The following CFAP70 variants were observed in gnomAD, a reference collection of about 807,000 sequenced individuals.
The protein encoded by CFAP70 is cilia and flagella associated protein 70.
CFAP70 carries 81 observed loss-of-function variants against 137.6 expected under a neutral mutation model. That is an observed-to-expected ratio of 0.59 (90% confidence interval 0.49 to 0.71). CFAP70 has a LOEUF of 0.71. Among genes scored for constraint, CFAP70 ranks in the 30% least tolerant of loss-of-function variants. The pLI, the probability that CFAP70 is intolerant of heterozygous loss-of-function variation, is 0.00. For missense variants in CFAP70, 976 were observed against 1,226.7 expected (o/e 0.80, Z 3.05); for synonymous variants, 382 against 423.6 (o/e 0.90, Z 1.20).
At chr10:73,301,806 C>T (rs1437653330) in intron 12 of CFAP70, among the ~76,000 whole-genome samples, 1 of 152,026 alleles carries the variant, frequency 6.6e-6, no homozygotes, top group East Asian at 1.9e-4. Context: ...ATGATGATGT[C>T]ACAACAAAGC....
chr10:73,354,878 C>G (rs2054546151), intron 1 of CFAP70, 43 bp from the exon 2 acceptor site: 1 of 1,151,102 alleles, frequency 8.7e-7, no homozygotes, highest in Admixed American at 1.8e-5. Context: ...TGTACCACAG[C>G]TGCACAAGTA....
chr10:73,351,106 T>C (rs1219874480), intron 3 of CFAP70, among the ~76,000 whole-genome samples: 1 of 133,050 alleles, frequency 7.5e-6, no homozygotes, highest in African/African-American at 2.8e-5. Context: ...TATATATATA[T>C]ATATATGTAT....
intron 12 of CFAP70, among the ~76,000 whole-genome samples, chr10:73,302,247 G>A (rs898242282): frequency 2.6e-5 from 4 of 152,156 alleles, no homozygotes; most frequent in African/African-American, 9.7e-5. Flanking sequence ...ACTGAGCTCT[G>A]GGGGACTCCA....
chr10:73,265,332 A>AAAAAGAAG (rs2045657167), intron 25 of CFAP70, among the ~76,000 whole-genome samples: 1 of 151,900 alleles, frequency 6.6e-6, no homozygotes, highest in Admixed American at 6.6e-5. Flanking sequence ...AAAAAAAAAA[A>AAAAAGAAG]AAAAGAAGAA....
At chr10:73,359,136 C>T (rs1410904497), upstream of CFAP70, among the ~76,000 whole-genome samples, 1 of 152,142 alleles carries the variant, frequency 6.6e-6, no homozygotes, top group Non-Finnish European at 1.5e-5. Context: ...GCCCGTCACG[C>T]CCTGTTGATG....
intron 8 of CFAP70, among the ~76,000 whole-genome samples, chr10:73,326,757 G>C (rs540988836): frequency 6.6e-6 from 1 of 151,888 alleles, no homozygotes; most frequent in Non-Finnish European, 1.5e-5. Context: ...TAAATTCCTC[G>C]ACACATACAC....
chr10:73,274,458 C>T (rs1175949413), exon 23 of CFAP70: 2 of 1,613,370 alleles, frequency 1.2e-6, no homozygotes, highest in Non-Finnish European at 1.7e-6. Flanking sequence ...ATAGATGAGC[C>T]CCAGTCTCAG....
At chr10:73,310,001 GGTAA>G in intron 12 of CFAP70, among the ~76,000 whole-genome samples, 153 bp downstream of exon 13, 1 of 151,970 alleles carries the variant, frequency 6.6e-6, no homozygotes, top group East Asian at 1.9e-4. Flanking sequence ...TTTGTGATAA[GGTAA>G]CAAAAATAAC....
chr10:73,354,813 A>G, exon 2 of CFAP70: 1 of 1,613,128 alleles, frequency 6.2e-7, no homozygotes, highest in Non-Finnish European at 8.5e-7. Flanking sequence ...AACTGGGAAA[A>G]GTCCCTCTGT....
chr10:73,325,188 T>A (rs1269245910), intron 8 of CFAP70, among the ~76,000 whole-genome samples: 1 of 152,142 alleles, frequency 6.6e-6, no homozygotes, highest in Admixed American at 6.5e-5. Context: ...TATTCAACAT[T>A]CTTAAAGAAA....
intron 9 of CFAP70, among the ~76,000 whole-genome samples, chr10:73,320,737 G>A (rs938326737): frequency 6.6e-6 from 1 of 150,932 alleles, no homozygotes; most frequent in East Asian, 2.0e-4. Context: ...GCACAATCTC[G>A]GCTCACTGAA....
At chr10:73,326,756 C>G (rs1372247934) in intron 8 of CFAP70, among the ~76,000 whole-genome samples, 1 of 151,966 alleles carries the variant, frequency 6.6e-6, no homozygotes, top group Non-Finnish European at 1.5e-5. Context: ...ATAAATTCCT[C>G]GACACATACA....
intron 5 of CFAP70, among the ~76,000 whole-genome samples, chr10:73,343,583 C>A (rs1328185694): frequency 2.6e-5 from 4 of 152,024 alleles, no homozygotes; most frequent in African/African-American, 7.2e-5. Flanking sequence ...GTAGTGGGCA[C>A]CTGTAGTTCC....
chr10:73,326,622 C>T (rs1452353459), intron 8 of CFAP70, among the ~76,000 whole-genome samples: 1 of 151,452 alleles, frequency 6.6e-6, no homozygotes, highest in Non-Finnish European at 1.5e-5. Context: ...AGAGAAGAAT[C>T]AAATAGATGC....
intron 3 of CFAP70, among the ~76,000 whole-genome samples, chr10:73,349,963 C>T (rs2054060575): frequency 6.6e-6 from 1 of 152,224 alleles, no homozygotes; most frequent in South Asian, 2.1e-4. Flanking sequence ...TTTACCACAT[C>T]TAGCAAGTGT....
At chr10:73,334,611 C>A (rs2052453716) in intron 7 of CFAP70, among the ~76,000 whole-genome samples, 1 of 149,984 alleles carries the variant, frequency 6.7e-6, no homozygotes, top group African/African-American at 2.5e-5. Flanking sequence ...GATGGAGTCT[C>A]ACTCTGTCGC....
intron 3 of CFAP70, among the ~76,000 whole-genome samples, chr10:73,350,031 T>C (rs938652236): frequency 4.6e-5 from 7 of 152,216 alleles, no homozygotes; most frequent in Non-Finnish European, 1.5e-5. Flanking sequence ...ATATTTAACA[T>C]TTCCCAATTA....
At chr10:73,340,043 G>A (rs567590039) in intron 6 of CFAP70, among the ~76,000 whole-genome samples, 7 of 152,238 alleles carry the variant, frequency 4.6e-5, no homozygotes, top group Non-Finnish European at 8.8e-5. Context: ...GCAAAGCAAA[G>A]AGGTGCTTTA....
At chr10:73,292,912 G>A (rs1271530604) in intron 16 of CFAP70, among the ~76,000 whole-genome samples, 2 of 152,022 alleles carry the variant, frequency 1.3e-5, no homozygotes, top group Non-Finnish European at 2.9e-5. Flanking sequence ...CTGATTCCAG[G>A]TCAAGATTCT....
Sources: gnomAD v4.1 joint callset for allele counts (sites outside exome capture counted in the v4.1 genomes callset) on GRCh38, gnomAD v4.1.1 for gene constraint, MANE v1.5 for transcripts, NCBI Gene and HGNC (gene_info 2026-07-23, HGNC 2026-07-21) for gene names.